Variants in ARHGEF11 observed in about 807,000 individuals in gnomAD.
ARHGEF11 encodes Rho guanine exchange factor (GEF) 11.
A neutral mutation model predicts 193.7 loss-of-function variants in ARHGEF11; 55 were observed. The ratio of observed to expected loss-of-function variants is 0.28; its 90% confidence interval spans 0.23 to 0.36. ARHGEF11 has a LOEUF of 0.36. ARHGEF11 is among the 10% of genes least tolerant of loss of function. ARHGEF11 has a pLI of 1.00. For missense variants in ARHGEF11, 1,723 were observed against 2,005.6 expected (o/e 0.86, Z 2.69); for synonymous variants, 693 against 768.0 (o/e 0.90, Z 1.62).
chr1:156,987,079 T>C (rs1665034274), intron 1 of ARHGEF11, among the ~76,000 whole-genome samples: 1 of 152,208 alleles, frequency 6.6e-6, no homozygotes, highest in South Asian at 2.1e-4. Context: ...CTCACAGGAA[T>C]AGAAGAAATT....
intron 37 of ARHGEF11, chr1:156,938,834 A>G (rs1328255050): frequency 5.8e-6 from 2 of 342,526 alleles, no homozygotes; most frequent in Non-Finnish European, 1.1e-5. Flanking sequence ...CTAGCGTGGA[A>G]CCCCATCCCA....
At chr1:157,024,424 AAAG>A (rs1426366902) in intron 1 of ARHGEF11, among the ~76,000 whole-genome samples, 2 of 152,214 alleles carry the variant, frequency 1.3e-5, no homozygotes, top group Admixed American at 6.5e-5. Context: ...AGCTGTTATA[AAAG>A]AAGAATATAC....
intron 1 of ARHGEF11, among the ~76,000 whole-genome samples, chr1:157,042,372 A>C (rs1395493776): frequency 1.3e-5 from 2 of 152,190 alleles, no homozygotes; most frequent in Non-Finnish European, 2.9e-5. Flanking sequence ...GGTGCCCCAC[A>C]CATTCTACAG....
intron 1 of ARHGEF11, among the ~76,000 whole-genome samples, chr1:157,021,004 T>C (rs1002800396): frequency 1.3e-5 from 2 of 152,198 alleles, no homozygotes; most frequent in Admixed American, 1.3e-4. Context: ...GATATCTAAA[T>C]GTGAAATGTG....
In ARHGEF11 at chr1:156,938,507, ACCT is replaced by A. The variant is rs1557815115; in HGVS notation, c.4100_4102del (p.Glu1367del). ...TGCAGGGACAACCTTGCTGCCTGCC[ACCT>A]CAGCTGCACCGACACCACCACCACC... On this transcript the variant is annotated inframe_deletion, in exon 38 of 41. Transcript: ENST00000368194. 1 of 1,612,958 alleles carries A rather than the reference ACCT, an allele frequency of 6.2e-7. No individual in the cohort carries two copies. Among genetic ancestry groups the A allele is most frequent in the East Asian group, 2.2e-5 (1 of 44,830 alleles).
At chr1:157,029,000 T>C (rs1670976994) in intron 1 of ARHGEF11, among the ~76,000 whole-genome samples, 1 of 151,764 alleles carries the variant, frequency 6.6e-6, no homozygotes, top group Non-Finnish European at 1.5e-5. Context: ...ACCCCATCTC[T>C]ACCAAAAATA....
At chr1:157,016,359 A>G in intron 1 of ARHGEF11, among the ~76,000 whole-genome samples, 1 of 141,534 alleles carries the variant, frequency 7.1e-6, no homozygotes, top group East Asian at 1.9e-4. Context: ...AGCTGGGATT[A>G]TAGACACCTG....
chr1:156,977,182 C>A, intron 6 of ARHGEF11, 128 bp from the exon 7 acceptor site: 2 of 803,884 alleles, frequency 2.5e-6, no homozygotes, highest in South Asian at 3.1e-5. Context: ...ATGTTTTATT[C>A]AGTACCTTGC....
intron 1 of ARHGEF11, among the ~76,000 whole-genome samples, chr1:157,031,874 T>C (rs540836178): frequency 6.6e-6 from 1 of 152,338 alleles, no homozygotes; most frequent in South Asian, 2.1e-4. Context: ...AGTAACCACG[T>C]GTTAAGAGCT....
In ARHGEF11 at chr1:157,044,364, G is replaced by A; in HGVS notation, c.-34C>T. ...GGTGTCTCCACGGTTCCAGAATCCT[G>A]TAGCTTTGGTGTCTTGATCAGGATT... is the stretch of plus-strand genomic sequence containing the variant. On this transcript the variant is annotated 5_prime_UTR_variant, in exon 1 of 41. Coordinates refer to ENST00000368194, the MANE Select transcript of ARHGEF11 (RefSeq NM_198236.3). 2 of 1,611,906 alleles carry A rather than the reference G, an allele frequency of 1.2e-6. No individual in the cohort carries two copies. Among genetic ancestry groups the A allele is most frequent in the Middle Eastern group, 1.7e-4 (1 of 6,060 alleles).
chr1:156,946,490 C>T (rs934356355), intron 28 of ARHGEF11, among the ~76,000 whole-genome samples, 172 bp downstream of exon 28: 2 of 152,186 alleles, frequency 1.3e-5, no homozygotes, highest in African/African-American at 4.8e-5. Flanking sequence ...TTCTTTCCAA[C>T]AAACAGAAGT....
chr1:156,965,493 T>C (rs955062982), intron 11 of ARHGEF11, among the ~76,000 whole-genome samples: 1 of 152,186 alleles, frequency 6.6e-6, no homozygotes, highest in African/African-American at 2.4e-5. Flanking sequence ...TTTTCCTGAT[T>C]GTGAGAATTA....
At chr1:157,039,555 C>A (rs1333960518) in intron 1 of ARHGEF11, among the ~76,000 whole-genome samples, 1 of 152,116 alleles carries the variant, frequency 6.6e-6, no homozygotes, top group Admixed American at 6.6e-5. Flanking sequence ...GTACGGTTTA[C>A]CCCATGGGGC....
At chr1:157,018,153 A>G (rs1669506213) in intron 1 of ARHGEF11, among the ~76,000 whole-genome samples, 1 of 152,242 alleles carries the variant, frequency 6.6e-6, no homozygotes, top group Non-Finnish European at 1.5e-5. Flanking sequence ...TGACACTAAA[A>G]ACTACAAAAC....
intron 1 of ARHGEF11, among the ~76,000 whole-genome samples, chr1:157,030,112 C>G (rs549901817): frequency 1.3e-5 from 2 of 152,304 alleles, no homozygotes; most frequent in African/African-American, 4.8e-5. Flanking sequence ...AATCACTGAA[C>G]TGTACACTCT....
intron 11 of ARHGEF11, among the ~76,000 whole-genome samples, chr1:156,965,921 A>T (rs185489840): frequency 6.6e-6 from 1 of 152,198 alleles, no homozygotes; most frequent in East Asian, 1.9e-4. Context: ...TCAGAAGACA[A>T]TTTTGATTAC....
chr1:157,039,949 T>G (rs181770041), intron 1 of ARHGEF11, among the ~76,000 whole-genome samples: 1 of 152,240 alleles, frequency 6.6e-6, no homozygotes, highest in Admixed American at 6.5e-5. Flanking sequence ...ACCTTTATAC[T>G]AACTAGGAGA....
Position 156,999,292 on chromosome 1 carries a change from T to C in ARHGEF11, c.33-13119A>G, listed in dbSNP as rs1190371050. ...AAGTTACATAAGTCGCCCCAGGCCA[T>C]ACAGCTATTAAATAGTAGAGCCAGG... On this transcript the variant is annotated intron_variant, in intron 1 of 40. Coordinates refer to ENST00000368194, the MANE Select transcript of ARHGEF11 (RefSeq NM_198236.3). Among the ~76,000 whole-genome samples the C allele has an allele frequency of 2.0e-5, 3 of 152,278 alleles. No individual in the cohort carries two copies. In the East Asian group the frequency reaches 5.8e-4, roughly 29 times the overall value.
chr1:157,002,352 T>C (rs144407448), intron 1 of ARHGEF11, among the ~76,000 whole-genome samples: 64 of 152,260 alleles, frequency 4.2e-4, no homozygotes, highest in African/African-American at 1.4e-3. Context: ...GCACATAAGA[T>C]ACACTCAACA....
Sources: gnomAD v4.1 joint callset for allele counts (sites outside exome capture counted in the v4.1 genomes callset) on GRCh38, gnomAD v4.1.1 for gene constraint, MANE v1.5 for transcripts, NCBI Gene and HGNC (gene_info 2026-07-23, HGNC 2026-07-21) for gene names.